MYO5A: variants seen among roughly 807,000 people sequenced by gnomAD.
MYO5A encodes the protein myosin VA, also known as unconventional myosin-Va.
Under a neutral mutation model 249.7 loss-of-function variants are expected in MYO5A, and 98 were observed. The ratio of observed to expected loss-of-function variants is 0.39; its 90% confidence interval spans 0.33 to 0.46. The LOEUF (loss-of-function observed/expected upper bound fraction) is 0.46. MYO5A is among the 20% of genes least tolerant of loss of function. The pLI is 0.98. For synonymous variants in MYO5A, 778 were observed against 810.6 expected, an observed-to-expected ratio of 0.96 and a Z score of 0.68; for missense variants, 1,696 against 2,308.8, an observed-to-expected ratio of 0.73 and a Z score of 5.44.
chr15:52,512,731 T>C (rs1315381687), intron 1 of MYO5A, among the ~76,000 whole-genome samples: 2 of 152,212 alleles, frequency 1.3e-5, no homozygotes, highest in Admixed American at 1.3e-4. Flanking sequence ...TCCTATACTA[T>C]TTCACACCTA....
At chr15:52,447,313 C>T (rs1469366407) in intron 1 of MYO5A, among the ~76,000 whole-genome samples, 1 of 152,086 alleles carries the variant, frequency 6.6e-6, no homozygotes. Flanking sequence ...CCAATCCTTG[C>T]CATGTGATGT....
At chr15:52,341,761 A>C (rs1170236314) in intron 31 of MYO5A, among the ~76,000 whole-genome samples, 2 of 152,176 alleles carry the variant, frequency 1.3e-5, no homozygotes, top group African/African-American at 4.8e-5. Context: ...GAATAAGCAG[A>C]AGCCCCTTGA....
chr15:52,499,998 A>C (rs952875997), intron 1 of MYO5A, among the ~76,000 whole-genome samples: 1 of 152,178 alleles, frequency 6.6e-6, no homozygotes, highest in Admixed American at 6.5e-5. Flanking sequence ...GGTTACAGTG[A>C]GCTACAATCA....
At chr15:52,479,001 C>CTT (rs879377956) in intron 1 of MYO5A, among the ~76,000 whole-genome samples, 1 of 146,760 alleles carries the variant, frequency 6.8e-6, no homozygotes, top group Non-Finnish European at 1.5e-5. Flanking sequence ...TAAATTTTAA[C>CTT]TTTTTTTTTT....
In MYO5A at chr15:52,353,667, A is replaced by G; in HGVS notation, c.3568-9T>C. On this transcript the variant is annotated splice_polypyrimidine_tract_variant and intron_variant, in intron 26 of 41. Coordinates refer to ENST00000399233, the MANE Select transcript of MYO5A (RefSeq NM_001382347.1). ...TGTGGTCTTTCTTCTTCCTAGGGAA[A>G]AGTTAAAGTTTTATATTTTAATTGT... The G allele has an allele frequency of 6.2e-7, 1 of 1,612,112 alleles. No homozygotes were observed. Among genetic ancestry groups the G allele is most frequent in the East Asian group, 2.2e-5 (1 of 44,886 alleles).
At chr15:52,427,790 A>T (rs1188555095) in intron 3 of MYO5A, among the ~76,000 whole-genome samples, 2 of 152,094 alleles carry the variant, frequency 1.3e-5, no homozygotes, top group East Asian at 3.9e-4. Context: ...AAAGGGAGAA[A>T]ATAAAAGATA....
At chr15:52,456,520 C>G (rs1467045858) in intron 1 of MYO5A, among the ~76,000 whole-genome samples, 1 of 146,232 alleles carries the variant, frequency 6.8e-6, no homozygotes, top group Non-Finnish European at 1.5e-5. Flanking sequence ...CAATCCTGAG[C>G]AAAAAAAAAC....
chr15:52,343,239 A>G (rs747860666), intron 30 of MYO5A, 42 bp from the exon 31 acceptor site: 72 of 1,522,678 alleles, frequency 4.7e-5, no homozygotes, highest in Non-Finnish European at 6.5e-5. Flanking sequence ...ACAAAAGGAT[A>G]CAGGATGCTG....
chr15:52,450,855 T>TTGTTTTTTGTTTTTTGTTTTTTG (rs60823450), intron 1 of MYO5A, among the ~76,000 whole-genome samples: 3 of 144,452 alleles, frequency 2.1e-5, no homozygotes, highest in South Asian at 2.2e-4. Flanking sequence ...TTTTTTTTTT[T>TTGTTTTTTGTTTTTTGTTTTTTG]TTTTTTTTTT....
chr15:52,319,264 C>G lies in MYO5A; in HGVS notation c.5030G>C (p.Ser1677Thr), dbSNP rs1191853928. ...TGTGTAGGTGCCCTCATCGGCGATACTGGAGGTTCGCTTTCTCAACCCTGT... is the reference window on the plus strand; with the variant it reads ...TGTGTAGGTGCCCTCATCGGCGATAGTGGAGGTTCGCTTTCTCAACCCTGT... Reference protein sequence around the residue: ...KPTGLRKRTSSIADEGTYTLD... With the variant: ...KPTGLRKRTSTIADEGTYTLD... Residue 1677 changes from serine to threonine, a missense_variant, in exon 39 of 42, where the codon AGT (serine) becomes ACT (threonine). By Grantham distance (58) the Ser-to-Thr change is moderately conservative. Coordinates refer to ENST00000399233, the MANE Select transcript of MYO5A (RefSeq NM_001382347.1). 1 of 1,614,076 alleles carries G rather than the reference C, an allele frequency of 6.2e-7. No individual in the cohort carries two copies. The highest frequency in any genetic ancestry group is 1.3e-5 in the African/African-American group (1 of 74,916).
At chr15:52,447,379 C>T (rs896565425) in intron 1 of MYO5A, among the ~76,000 whole-genome samples, 72 of 152,152 alleles carry the variant, frequency 4.7e-4, no homozygotes, top group African/African-American at 1.7e-3. Context: ...GCCTCCCCAG[C>T]CATGGTTTCT....
rs1024924908 is a variant in MYO5A, at chr15:52,352,609, G to A, written c.3621+996C>T. 4.6e-5 allele frequency among the ~76,000 whole-genome samples: 7 copies of A among 151,980 alleles called. No individual in the cohort carries two copies. The East Asian group carries it at 9.7e-4, about 21-fold the overall frequency. ...ATCCTGGCTAACATGGTGAAACCCC[G>A]TCTCTACTAAAAAAATACAAAAAAT... On this transcript the variant is annotated intron_variant, in intron 27 of 41. Transcript: ENST00000399233.
intron 1 of MYO5A, among the ~76,000 whole-genome samples, chr15:52,433,569 T>C (rs1250571662): frequency 6.6e-6 from 1 of 151,756 alleles, no homozygotes; most frequent in Non-Finnish European, 1.5e-5. Context: ...TACAGGCGCC[T>C]GCCACCACAC....
intron 9 of MYO5A, among the ~76,000 whole-genome samples, chr15:52,401,074 C>CTTTTT (rs61604681): frequency 2.2e-5 from 3 of 136,068 alleles, no homozygotes; most frequent in African/African-American, 5.5e-5. Flanking sequence ...TTCTCATAAG[C>CTTTTT]TTTTTTTTTT....
At chr15:52,391,856 C>T (rs1444285503) in intron 12 of MYO5A, 74 bp downstream of exon 12, 1 of 1,486,026 alleles carries the variant, frequency 6.7e-7, no homozygotes, top group Non-Finnish European at 9.4e-7. Flanking sequence ...ATGAATCTCT[C>T]CTTGAACCCA....
chr15:52,528,960 G>C, upstream of MYO5A: 1 of 494,128 alleles, frequency 2.0e-6, no homozygotes, highest in Non-Finnish European at 2.7e-6. Flanking sequence ...GGGGCGGGGC[G>C]GGGCGCCTCA....
intron 14 of MYO5A, 88 bp from the exon 15 acceptor site, chr15:52,384,410 C>T (rs1024228011): frequency 5.3e-6 from 7 of 1,322,090 alleles, no homozygotes; most frequent in Non-Finnish European, 7.5e-6. Flanking sequence ...AGATTCCCTT[C>T]CTTAAGTAAT....
chr15:52,421,658 A>G (rs914291459), intron 4 of MYO5A, among the ~76,000 whole-genome samples: 4 of 152,300 alleles, frequency 2.6e-5, no homozygotes, highest in Non-Finnish European at 4.4e-5. Flanking sequence ...CTGCTTTGTT[A>G]CACAGCTCCC....
intron 1 of MYO5A, among the ~76,000 whole-genome samples, chr15:52,445,327 C>G (rs148397411): frequency 6.6e-6 from 1 of 152,268 alleles, no homozygotes; most frequent in East Asian, 1.9e-4. Flanking sequence ...TGCTTTCCAC[C>G]GTGAAAGCTC....
Sources: gnomAD v4.1 joint callset for allele counts (sites outside exome capture counted in the v4.1 genomes callset) on GRCh38, gnomAD v4.1.1 for gene constraint, MANE v1.5 for transcripts, NCBI Gene and HGNC (gene_info 2026-07-23, HGNC 2026-07-21) for gene names.